The following CRISP2 variants were observed in gnomAD, a reference collection of about 807,000 sequenced individuals.
CRISP2 encodes the protein cysteine-rich secretory protein 2.
A neutral mutation model predicts 31.7 loss-of-function variants in CRISP2; 29 were observed. The ratio of observed to expected loss-of-function variants is 0.92; its 90% confidence interval spans 0.68 to 1.25. CRISP2 has a LOEUF of 1.25. Ranked by LOEUF, CRISP2 falls within the 50% of genes most tolerant of loss-of-function variation. CRISP2 has a pLI of 0.00. For missense variants in CRISP2, 318 were observed against 286.5 expected (o/e 1.11, Z -0.79); for synonymous variants, 111 against 101.4 (o/e 1.09, Z -0.57).
chr6:49,686,969 C>A, the CRISP2 span, among the ~76,000 whole-genome samples: 4 of 151,748 alleles, frequency 2.6e-5, no homozygotes, highest in South Asian at 2.1e-4. Flanking sequence ...AACCAAACAC[C>A]GTATGTTCTC....
intron 7 of CRISP2, 124 bp downstream of exon 7, chr6:49,698,238 C>A: frequency 2.6e-6 from 3 of 1,151,098 alleles, no homozygotes; most frequent in Non-Finnish European, 1.2e-6. Context: ...CAGCCAAATG[C>A]CAAGACTGTA....
chr6:49,698,529 A>G, intron 6 of CRISP2, 22 bp from the exon 7 acceptor site: 1 of 1,587,080 alleles, frequency 6.3e-7, no homozygotes, highest in Non-Finnish European at 8.5e-7. Context: ...ATCATTCATG[A>G]GCAAGGTAAT....
intron 5 of CRISP2, 119 bp from the exon 6 acceptor site, chr6:49,700,010 T>C: frequency 3.5e-6 from 3 of 845,738 alleles, no homozygotes; most frequent in African/African-American, 1.7e-5. Flanking sequence ...AATACTACTG[T>C]TATTAAAATG....
intron 4 of CRISP2, among the ~76,000 whole-genome samples, chr6:49,702,094 A>AC (rs1278604671): frequency 9.4e-6 from 1 of 106,282 alleles, no homozygotes; most frequent in Non-Finnish European, 1.8e-5. Flanking sequence ...TATTATATAT[A>AC]TTATATATGT....
chr6:49,696,635 C>T (rs1482972229), intron 8 of CRISP2, among the ~76,000 whole-genome samples: 3 of 150,802 alleles, frequency 2.0e-5, no homozygotes, highest in Admixed American at 2.0e-4. Flanking sequence ...TTGATAAATA[C>T]TGATATCCAG....
At chr6:49,711,368 C>G (rs189155925) in intron 2 of CRISP2, 47 bp from the exon 3 acceptor site, 1 of 152,268 alleles carries the variant, frequency 6.6e-6, no homozygotes, top group Non-Finnish European at 1.5e-5. Flanking sequence ...ATATATATTA[C>G]ACATATTCCT....
chr6:49,686,718 A>T, the CRISP2 span, among the ~76,000 whole-genome samples: 1 of 152,220 alleles, frequency 6.6e-6, no homozygotes, highest in South Asian at 2.1e-4. Flanking sequence ...TACCCAAAGG[A>T]TTATAAATCA....
intron 4 of CRISP2, among the ~76,000 whole-genome samples, chr6:49,701,169 T>C (rs1416893005): frequency 6.6e-6 from 1 of 151,958 alleles, no homozygotes. Context: ...AGGTGGTAAA[T>C]TGTTGCATGA....
intron 4 of CRISP2, among the ~76,000 whole-genome samples, chr6:49,701,707 TACATATATA>T (rs1765863403): frequency 3.4e-5 from 4 of 117,542 alleles, no homozygotes; most frequent in Non-Finnish European, 5.0e-5. Flanking sequence ...ACATTATGTA[TACATATATA>T]ATGTATATAT....
chr6:49,680,314 C>G, the CRISP2 span, among the ~76,000 whole-genome samples: 1 of 152,294 alleles, frequency 6.6e-6, no homozygotes, highest in East Asian at 1.9e-4. Context: ...ATCCATGTTC[C>G]TGCATAGGAC....
rs1767575590 is a variant in CRISP2, at chr6:49,709,187, G to A, written c.10C>T (p.Leu4=). 6.2e-7 allele frequency: 1 copy of A among 1,613,620 alleles called. No individual in the cohort carries two copies. Among genetic ancestry groups the A allele is most frequent in the East Asian group, 2.2e-5 (1 of 44,858 alleles). The change falls in exon 4 of 10, where the codon CTA becomes TTA. Residue 4 remains leucine, a synonymous_variant. Coordinates refer to ENST00000339139, the MANE Select transcript of CRISP2 (RefSeq NM_003296.4). The stretch of plus-strand genomic sequence containing the variant: ...ACAGTAACCAGAAACAACACCGGTA[G>A]TAAAGCCATTGCTGGAAACTAAGTC... MAL[L]PVLFLVTVLL...
In CRISP2 at chr6:49,692,791, A is replaced by C; in HGVS notation, c.714T>G (p.Cys238Trp). The change falls in exon 10 of 10, where the codon TGT becomes TGG. Residue 238 changes from cysteine to tryptophan, a missense_variant. By Grantham distance (215) the Cys-to-Trp change is radical. Coordinates refer to ENST00000339139, the MANE Select transcript of CRISP2 (RefSeq NM_003296.4). ...AGGTAAATCAGTAAATTTTGTTCTCACATAGGCAAGTAGCCTTGCACTTTT... is the reference window on the plus strand; with the variant it reads ...AGGTAAATCAGTAAATTTTGTTCTCCCATAGGCAAGTAGCCTTGCACTTTT... ...LKEKCKATCL[C>W]ENKIY The C allele has an allele frequency of 2.5e-6, 4 of 1,613,552 alleles. No individual in the cohort carries two copies. Among genetic ancestry groups the C allele is most frequent in the Non-Finnish European group, 3.4e-6 (4 of 1,179,562 alleles).
At chr6:49,702,770 T>C (rs961211884) in intron 4 of CRISP2, among the ~76,000 whole-genome samples, 1 of 152,094 alleles carries the variant, frequency 6.6e-6, no homozygotes, top group African/African-American at 2.4e-5. Flanking sequence ...CTCTGCTGAT[T>C]ATTTGTTTTG....
intron 5 of CRISP2, 53 bp downstream of exon 5, chr6:49,700,615 C>T: frequency 2.8e-6 from 3 of 1,078,126 alleles, no homozygotes; most frequent in Admixed American, 1.8e-5. Context: ...GGCCAGCCGT[C>T]GGCTCCTTCC....
chr6:49,700,946 A>G (rs1343450194), intron 4 of CRISP2, among the ~76,000 whole-genome samples, 162 bp from the exon 5 acceptor site: 2 of 152,156 alleles, frequency 1.3e-5, no homozygotes, highest in African/African-American at 4.8e-5. Context: ...AAAAGCCAAT[A>G]TTAGTTGTTA....
At chr6:49,702,136 G>A (rs1314491804) in intron 4 of CRISP2, among the ~76,000 whole-genome samples, 2 of 346 alleles carry the variant, frequency 5.8e-3, no homozygotes, top group Admixed American at 0.062. Context: ...ATATATATGT[G>A]TACTATATAT....
chr6:49,699,811 G>T lies in CRISP2; in HGVS notation c.264C>A (p.Arg88=), dbSNP rs547231588. The T allele has an allele frequency of 2.5e-6, 4 of 1,607,948 alleles. No homozygotes were observed. Among genetic ancestry groups the T allele is most frequent in the Middle Eastern group, 1.7e-4 (1 of 6,036 alleles). The change falls in exon 6 of 10, where the codon CGC becomes CGA. Residue 88 remains arginine (R), a synonymous_variant. Transcript: ENST00000339139. ...CTLQHSDPED[R]KTSTRCGENL... is the part of the protein sequence containing the mutation. ...ATTTACTAATTTACATACTGGTTTTGCGGTCCTCTGGATCACTATGTTGTA... is the reference window on the plus strand; with the variant it reads ...ATTTACTAATTTACATACTGGTTTTTCGGTCCTCTGGATCACTATGTTGTA...
At chr6:49,677,613 C>A in the CRISP2 span, among the ~76,000 whole-genome samples, 45 of 152,250 alleles carry the variant, frequency 3.0e-4, no homozygotes, top group Admixed American at 8.5e-4. Flanking sequence ...GTCCATCTCA[C>A]AAAATACAGT....
chr6:49,698,400 G>T lies in CRISP2; in HGVS notation c.379C>A (p.Pro127Thr), dbSNP rs149635606. Residue 127 changes from proline to threonine, a missense_variant, in exon 7 of 10, where the codon CCA becomes ACA. Physicochemically the swap from Pro to Thr is conservative, Grantham distance 38 (BLOSUM62 -1). Transcript: ENST00000339139. ...EILDFVYGVG[P>T]KSPNAVVGHY... ...CCAACAACTGCATTGGGACTCTTTG[G>T]TCCTACACCATAGACAAAATCTAGG... The T allele has an allele frequency of 7.4e-5, 120 of 1,613,258 alleles. No homozygotes were observed. Among genetic ancestry groups the T allele is most frequent in the Non-Finnish European group, 9.9e-5 (117 of 1,179,620 alleles).
Sources: gnomAD v4.1 joint callset for allele counts (sites outside exome capture counted in the v4.1 genomes callset) on GRCh38, gnomAD v4.1.1 for gene constraint, MANE v1.5 for transcripts, NCBI Gene and HGNC (gene_info 2026-07-23, HGNC 2026-07-21) for gene names.